PKD1: variants seen among roughly 807,000 people sequenced by gnomAD.
PKD1 encodes polycystin 1, transient receptor potential channel interacting, also known as polycystin-1.
A neutral mutation model predicts 361.7 loss-of-function variants in PKD1; 81 were observed. The ratio of observed to expected loss-of-function variants is 0.22; its 90% CI spans 0.19 to 0.27. The LOEUF (loss-of-function observed/expected upper bound fraction) is 0.27, where lower values mean the gene tolerates loss of function less well. Ranked by LOEUF, PKD1 falls within the 10% of genes least tolerant of loss-of-function variation. The pLI, the probability that PKD1 is intolerant of heterozygous loss-of-function variation, is 1.00. For synonymous variants in PKD1, 3,615 were observed against 2,818.3 expected (o/e 1.28, Z -8.95); for missense variants, 6,399 against 6,118.3 (o/e 1.05, Z -1.53).
chr16:2,115,349 G>A (rs1208984660), intron 10 of PKD1, 29 bp downstream of exon 10: 8 of 1,482,188 alleles, frequency 5.4e-6, no homozygotes, highest in African/African-American at 1.4e-5. Flanking sequence ...AGGAGATGCA[G>A]GGAACAGACC....
At chr16:2,098,336 G>T (rs183420430) in intron 30 of PKD1, 1 of 377,218 alleles carries the variant, frequency 2.7e-6, no homozygotes, top group South Asian at 2.5e-5. Context: ...AGCCTCCTGA[G>T]TAGCTGGGAT....
Position 2,108,045 on chromosome 16 carries a change from A to T in PKD1, c.6916-13T>A. On this transcript the variant is annotated splice_polypyrimidine_tract_variant and intron_variant, in intron 15 of 45. Coordinates refer to ENST00000262304, the MANE Select transcript of PKD1 (RefSeq NM_001009944.3). ...CGCCAGCCTCCCTCTGCAGGCCGAGAACAAGGGGCGACGTGGCCTGAGAGC... is the reference window on the plus strand; with the variant it reads ...CGCCAGCCTCCCTCTGCAGGCCGAGTACAAGGGGCGACGTGGCCTGAGAGC... The T allele has an allele frequency of 6.4e-7, 1 of 1,567,222 alleles. No individual in the cohort carries two copies.
At position 2,109,435 on chromosome 16, in the gene PKD1, A is replaced by G. The variant is rs2092445402; in HGVS notation, c.5732T>C (p.Leu1911Pro). The G allele has an allele frequency of 6.2e-7, 1 of 1,605,314 alleles. No individual in the cohort carries two copies. The highest frequency in any genetic ancestry group is 8.5e-7 in the Non-Finnish European group (1 of 1,179,470). The change falls in exon 15 of 46, where the codon CTG becomes CCG. Residue 1911 changes from leucine (L) to proline (P), a missense_variant. Transcript: ENST00000262304. ...PGQLVHFQIL[L>P]AAGSAVTFRL... ...GAAGGTGACAGCTGAGCCGGCAGCCAGCAGGATCTGAAAATGGACCAGCTG... is the reference window on the plus strand; with the variant it reads ...GAAGGTGACAGCTGAGCCGGCAGCCGGCAGGATCTGAAAATGGACCAGCTG...
rs1478699957 is a variant in PKD1, at chr16:2,106,215, C to T, written c.7579G>A (p.Val2527Ile). Reference protein sequence around the residue: ...CRQGHCEEFCVYKGSLSSYGA... With the variant: ...CRQGHCEEFCIYKGSLSSYGA... ...TAGCTGGAGAGGCTGCCCTTGTAGA[C>T]ACAGAACTCCTCGCAGTGGCCCTGG... Residue 2527 changes from valine (V) to isoleucine (I), a missense_variant, in exon 19 of 46, where the codon GTC becomes ATC. Physicochemically the swap from Val to Ile is conservative, Grantham distance 29. Coordinates refer to ENST00000262304, the MANE Select transcript of PKD1 (RefSeq NM_001009944.3). This position sits in a 1 kb window ranked among gnomAD's most constrained non-coding sequence, Gnocchi z 6.5. 6.2e-7 allele frequency: 1 copy of T among 1,610,232 alleles called. No individual in the cohort carries two copies. Among genetic ancestry groups the T allele is most frequent in the Non-Finnish European group, 8.5e-7 (1 of 1,179,568 alleles).
Position 2,111,643 on chromosome 16 carries a change from G to A in PKD1, c.3524C>T (p.Pro1175Leu), listed in dbSNP as rs571167422. 2.2e-5 allele frequency: 34 copies of A among 1,573,414 alleles called. No homozygotes were observed. Among genetic ancestry groups the A allele is most frequent in the African/African-American group, 1.3e-4 (10 of 74,178 alleles). The stretch of plus-strand genomic sequence containing the variant: ...CGAGGCATAGGTGTGGTTGGCAGCC[G>A]GCTGGCTCTGGGTCAGGACAGGGGA... ...DGSPVLTQSQ[P>L]AANHTYASRG... Residue 1175 changes from proline to leucine, a missense_variant, in exon 15 of 46, where the codon CCG (proline) becomes CTG (leucine). Physicochemically the swap from Pro to Leu is moderately conservative, Grantham distance 98 (BLOSUM62 -3). Coordinates refer to ENST00000262304, the MANE Select transcript of PKD1 (RefSeq NM_001009944.3).
intron 13 of PKD1, 101 bp from the exon 14 acceptor site, chr16:2,112,574 C>T (rs1241454438): frequency 3.7e-5 from 42 of 1,123,626 alleles, no homozygotes; most frequent in Middle Eastern, 2.8e-4. Flanking sequence ...TCTGCAGTCA[C>T]GCCCCGGGCC....
rs377361316 is a variant in PKD1 at position 2,090,114 on chromosome 16, C to A, written c.12525G>T (p.Val4175=). The change falls in exon 46 of 46, where the codon GTG becomes GTT. Residue 4175 remains valine, a synonymous_variant. Coordinates refer to ENST00000262304, the MANE Select transcript of PKD1 (RefSeq NM_001009944.3). ...SSRGSKVSPD[V]PPPSAGSDAS... ...CATCGGAGCCAGCGCTGGGTGGGGG[C>A]ACATCCGGGGATACCTTGGAGCCCC... 1.2e-6 allele frequency: 2 copies of A among 1,601,850 alleles called. No individual in the cohort carries two copies. Among genetic ancestry groups the A allele is most frequent in the Non-Finnish European group, 1.7e-6 (2 of 1,172,986 alleles).
Position 2,097,169 on chromosome 16 carries a change from T to C in PKD1, c.10478A>G (p.Glu3493Gly). The C allele has an allele frequency of 6.4e-7, 1 of 1,554,212 alleles. No individual in the cohort carries two copies. Among genetic ancestry groups the C allele is most frequent in the Non-Finnish European group, 8.7e-7 (1 of 1,148,924 alleles). The change falls in exon 34 of 46, where the codon GAA becomes GGA. Residue 3493 changes from glutamate (E) to glycine (G), a missense_variant. By Grantham distance (98) the Glu-to-Gly change is moderately conservative (BLOSUM62 -2). Transcript: ENST00000262304. ...TCACAGGCTGCTGAGCAGGTCCGTTTCCATGTGGGTGTCTTGGGTAGGGGC... is the reference window on the plus strand; with the variant it reads ...TCACAGGCTGCTGAGCAGGTCCGTTCCCATGTGGGTGTCTTGGGTAGGGGC... ...SPAPTQDTHM[E>G]TDLLSSLSST...
chr16:2,123,880 T>C (rs2092759574), intron 1 of PKD1, among the ~76,000 whole-genome samples: 2 of 152,136 alleles, frequency 1.3e-5, no homozygotes, highest in South Asian at 4.1e-4. Flanking sequence ...CCAGGGAAGC[T>C]GAAGCCAAGC....
chr16:2,106,074 C>T lies in PKD1; in HGVS notation c.7703+17G>A. ...CAGGTGGCAGTCTCGGGGGCGCCCT[C>T]CCACGGCCTGGCTCACCTGTTGAGG... On this transcript the variant is annotated intron_variant, in intron 19 of 45. Transcript: ENST00000262304. This position sits in a 1 kb window ranked among gnomAD's most constrained non-coding sequence, Gnocchi z 6.5. 6.2e-7 allele frequency: 1 copy of T among 1,605,986 alleles called. No homozygotes were observed. The highest frequency in any genetic ancestry group is 8.5e-7 in the Non-Finnish European group (1 of 1,177,008).
intron 23 of PKD1, 45 bp downstream of exon 23, chr16:2,103,221 A>G (rs780913146): frequency 8.1e-5 from 129 of 1,596,320 alleles, no homozygotes; most frequent in Middle Eastern, 6.8e-4. Flanking sequence ...CTTCCCCCCA[A>G]GAACAAGGCC....
intron 23 of PKD1, 132 bp downstream of exon 23, chr16:2,103,134 T>C (rs1002628027): frequency 1.4e-5 from 18 of 1,317,800 alleles, no homozygotes; most frequent in African/African-American, 4.4e-5. Context: ...AGCTCCTCTC[T>C]GGCCAGGCCC....
intron 1 of PKD1, chr16:2,120,009 T>C (rs1475454338): frequency 5.0e-6 from 3 of 594,662 alleles, no homozygotes; most frequent in African/African-American, 1.9e-5. Flanking sequence ...CCCAGGATTT[T>C]GAAACCACCC....
intron 1 of PKD1, chr16:2,119,810 A>C: frequency 1.2e-5 from 8 of 695,496 alleles, no homozygotes; most frequent in Non-Finnish European, 2.1e-5. Flanking sequence ...GGGTGGTCCC[A>C]CTGTGGGACC....
chr16:2,088,736 TTGTC>T lies in PKD1; in HGVS notation c.*987_*990del, dbSNP rs960266423. Reference sequence around the variant, plus strand: ...CAGTCAGACAGCTCTTTTATTGACTTTGTCTGCTTGGTGCGGGGGTTGGGGGGGT... The same window carrying T: ...CAGTCAGACAGCTCTTTTATTGACTTTGCTTGGTGCGGGGGTTGGGGGGGT... On this transcript the variant is annotated 3_prime_UTR_variant, in exon 46 of 46. Transcript: ENST00000262304. 6.0e-6 allele frequency: 8 copies of T among 1,335,008 alleles called. No individual in the cohort carries two copies. The highest frequency in any genetic ancestry group is 5.0e-5 in the East Asian group (2 of 39,648). The allele number at this position is 1,335,008 out of a possible 1,614,324, so 82.7% of individuals were successfully genotyped here.
intron 1 of PKD1, among the ~76,000 whole-genome samples, chr16:2,129,820 G>A (rs1227679062): frequency 1.3e-5 from 2 of 151,632 alleles, no homozygotes; most frequent in African/African-American, 4.8e-5. Context: ...CAAACTGCTG[G>A]GATTCCAGGC....
In PKD1 at chr16:2,090,156, C is replaced by A; in HGVS notation, c.12483G>T (p.Leu4161=). The change falls in exon 46 of 46, where the codon CTG becomes CTT. Residue 4161 remains leucine, a synonymous_variant. Coordinates refer to ENST00000262304, the MANE Select transcript of PKD1 (RefSeq NM_001009944.3). ...HKVRFEGMEP[L]PSRSSRGSKV... ...TGGAGCCCCTGGAGGAGCGAGAGGG[C>A]AGCGGCTCCATCCCTTCAAAGCGGA... 6.3e-7 allele frequency: 1 copy of A among 1,596,112 alleles called. No individual in the cohort carries two copies.
intron 34 of PKD1, among the ~76,000 whole-genome samples, chr16:2,096,527 G>T (rs58999880): frequency 0.3 from 46,233 of 151,788 alleles, 10,484 homozygotes; most frequent in African/African-American, 0.64. Context: ...GAATTTTTTT[G>T]TTTTTGAGAC....
At chr16:2,114,065 C>T (rs1369344018) in intron 11 of PKD1, 105 bp downstream of exon 11, 2 of 983,626 alleles carry the variant, frequency 2.0e-6, no homozygotes, top group East Asian at 2.5e-5. Context: ...TCCCCAGTAA[C>T]TGGGCTGCTG....
Sources: gnomAD v4.1 joint callset for allele counts (sites outside exome capture counted in the v4.1 genomes callset) on GRCh38, gnomAD v4.1.1 for gene constraint, Gnocchi (gnomAD v3.1) non-coding constraint, MANE v1.5 for transcripts, NCBI Gene and HGNC (gene_info 2026-07-23, HGNC 2026-07-21) for gene names.